The following KLHDC10 variants were observed in gnomAD, a reference collection of about 807,000 sequenced individuals.
The protein encoded by KLHDC10 is kelch domain containing 10, also known as kelch domain-containing protein 10.
KLHDC10 carries 24 observed loss-of-function variants against 56.1 expected under a neutral mutation model. The observed-to-expected ratio is 0.43, with a 90% CI of 0.31 to 0.60. The LOEUF is 0.60. Among genes scored for constraint, KLHDC10 ranks in the 20% least tolerant of loss-of-function variants. The pLI, the probability that KLHDC10 is intolerant of heterozygous loss-of-function variation, is 0.11. For missense variants in KLHDC10, 349 were observed against 567.0 expected, an observed-to-expected ratio of 0.62 and a Z score of 3.91; for synonymous variants, 188 against 207.1, an observed-to-expected ratio of 0.91 and a Z score of 0.79.
chr7:130,108,725 C>CA (rs200535259), intron 2 of KLHDC10, among the ~76,000 whole-genome samples: 2,421 of 86,242 alleles, frequency 0.028, 18 homozygotes, highest in Middle Eastern at 0.053. Context: ...CCATCTCAAA[C>CA]AAAAAAAAAA....
rs377469474 is a variant in KLHDC10, at chr7:130,122,208, G to A, written c.779+6G>A. The A allele has an allele frequency of 3.7e-6, 6 of 1,611,998 alleles. No homozygotes were observed. The highest frequency in any genetic ancestry group is 1.6e-4 in the Middle Eastern group (1 of 6,070). ...TGTGATCTACCAGAAGAGAGGTGAG[G>A]TTCTAGGATTCAAGCATATTTATTC... On this transcript the variant is annotated splice_donor_region_variant and intron_variant, in intron 5 of 9. Transcript: ENST00000335420.
rs1029371071 is a variant in KLHDC10, at chr7:130,132,734, A to G, written c.*1988A>G. 2.0e-5 allele frequency: 3 copies of G among 152,266 alleles called. No individual in the cohort carries two copies. The South Asian group carries it at 6.2e-4, about 32-fold the overall frequency. The allele number at this position is 152,266 out of a possible 1,614,324, so 9.4% of individuals were successfully genotyped here. A position where few individuals can be genotyped will look rare whatever the true frequency, so the allele number is the denominator to read the frequency against. On this transcript the variant is annotated 3_prime_UTR_variant, in exon 10 of 10. Coordinates refer to ENST00000335420, the MANE Select transcript of KLHDC10 (RefSeq NM_014997.4). The stretch of plus-strand genomic sequence containing the variant: ...CTGAGCAGCTCCATTAGTCCAAAAC[A>G]GAGCTTTGCTGCATGACTTCAGCCT...
Position 130,116,318 on chromosome 7 carries a change from T to C in KLHDC10, c.254-127T>C. ...TATCCATGTTATAAATCTAAACAAA[T>C]AAGAAGTATATCCATGTTATAAATC... On this transcript the variant is annotated intron_variant, in intron 2 of 9. Transcript: ENST00000335420. This position sits in a 1 kb window ranked among gnomAD's most constrained non-coding sequence, Gnocchi z 4.8. 1.5e-6 allele frequency: 1 copy of C among 649,814 alleles called. No homozygotes were observed. The allele number at this position is 649,814 out of a possible 1,614,324, so 40.3% of individuals were successfully genotyped here.
chr7:130,122,352 G>A, intron 5 of KLHDC10, 150 bp downstream of exon 5: 2 of 670,674 alleles, frequency 3.0e-6, no homozygotes, highest in Non-Finnish European at 4.7e-6. Context: ...AGTAAAGAAA[G>A]GTCTATAGTA....
intron 1 of KLHDC10, among the ~76,000 whole-genome samples, chr7:130,091,517 C>A (rs1265697749): frequency 6.6e-6 from 1 of 152,046 alleles, no homozygotes; most frequent in Non-Finnish European, 1.5e-5. Context: ...AGGAATTCAC[C>A]AGTGAAGCCA....
At chr7:130,100,754 T>A (rs1795918338) in intron 2 of KLHDC10, among the ~76,000 whole-genome samples, 1 of 152,188 alleles carries the variant, frequency 6.6e-6, no homozygotes, top group Non-Finnish European at 1.5e-5. Context: ...TGGTTCAGAT[T>A]GTAGACAGTT....
intron 2 of KLHDC10, among the ~76,000 whole-genome samples, chr7:130,112,459 T>C (rs1306237964): frequency 6.6e-6 from 1 of 152,202 alleles, no homozygotes; most frequent in African/African-American, 2.4e-5. Flanking sequence ...TGGGAGTTCC[T>C]GAATCAGGTA....
chr7:130,133,161 CAT>C lies in KLHDC10; in HGVS notation c.*2416_*2417del, dbSNP rs1216385970. ...CAGCACTGAGTGCTATAGAACCACA[CAT>C]GTGTACATGTTCTGGATGCCAAATG... On this transcript the variant is annotated 3_prime_UTR_variant, in exon 10 of 10. Transcript: ENST00000335420. The C allele has an allele frequency of 6.6e-6, 1 of 152,222 alleles. No homozygotes were observed. The highest frequency in any genetic ancestry group is 1.5e-5 in the Non-Finnish European group (1 of 68,054). 9.4% of individuals were successfully genotyped at this position (152,222 alleles called of 1,614,324 possible). A position where few individuals can be genotyped will look rare whatever the true frequency, so the allele number is the denominator to read the frequency against.
Position 130,120,640 on chromosome 7 carries a change from A to G in KLHDC10, c.476-109A>G. 5.9e-6 allele frequency: 7 copies of G among 1,182,796 alleles called. No individual in the cohort carries two copies. The highest frequency in any genetic ancestry group is 2.9e-5 in the South Asian group (2 of 69,490). The allele number at this position is 1,182,796 out of a possible 1,614,324, so 73.3% of individuals were successfully genotyped here. A position where few individuals can be genotyped will look rare whatever the true frequency, so the allele number is the denominator to read the frequency against. On this transcript the variant is annotated intron_variant, in intron 3 of 9. Coordinates refer to ENST00000335420, the MANE Select transcript of KLHDC10 (RefSeq NM_014997.4). This position sits in a 1 kb window ranked among gnomAD's most constrained non-coding sequence, Gnocchi z 5.1. ...AGATGTCAGTGGTTTGAGCTATCTT[A>G]TGAGATCATTAAAGCAGATATGTGT...
In KLHDC10 at chr7:130,130,337, C is replaced by CGT. The variant is rs1554468443; in HGVS notation, c.1120-200_1120-199insGT. On this transcript the variant is annotated intron_variant, in intron 9 of 9. Transcript: ENST00000335420. This position sits in a 1 kb window ranked among gnomAD's most constrained non-coding sequence, Gnocchi z 4.2. ...ACTCTGTCTCAAAAAAAAAAAAAATCATATATATATATATATAGTTTTTCC... is the reference window on the plus strand; with the variant it reads ...ACTCTGTCTCAAAAAAAAAAAAAATCGTATATATATATATATATAGTTTTTCC... 7.1e-6 allele frequency among the ~76,000 whole-genome samples: 1 copy of CGT among 140,842 alleles called. No individual in the cohort carries two copies. The highest frequency in any genetic ancestry group is 7.0e-5 in the Admixed American group (1 of 14,268). The allele number at this position is 140,842 out of a possible 152,430, so 92.4% of individuals were successfully genotyped here.
rs72380761 is a variant in KLHDC10, at chr7:130,130,337, C to CATATATATATATAT, written c.1120-196_1120-183dup. ...ACTCTGTCTCAAAAAAAAAAAAAAT[C>CATATATATATATAT]ATATATATATATATATAGTTTTTCC... On this transcript the variant is annotated intron_variant, in intron 9 of 9. Coordinates refer to ENST00000335420, the MANE Select transcript of KLHDC10 (RefSeq NM_014997.4). This position sits in a 1 kb window ranked among gnomAD's most constrained non-coding sequence, Gnocchi z 4.2. Among the ~76,000 whole-genome samples, 2,729 of 140,480 alleles carry CATATATATATATAT rather than the reference C, an allele frequency of 0.019. 96 individuals carry two copies. Among genetic ancestry groups the CATATATATATATAT allele is most frequent in the African/African-American group, 0.071 (2,586 of 36,622 alleles). 92.2% of individuals were successfully genotyped at this position (140,480 alleles called of 152,430 possible). A position where few individuals can be genotyped will look rare whatever the true frequency, so the allele number is the denominator to read the frequency against.
chr7:130,086,890 C>T (rs1005237477), intron 1 of KLHDC10, among the ~76,000 whole-genome samples: 1 of 152,248 alleles, frequency 6.6e-6, no homozygotes, highest in Admixed American at 6.5e-5. Flanking sequence ...TCACACTTAT[C>T]CCCTTATTTT....
intron 4 of KLHDC10, 96 bp from the exon 5 acceptor site, chr7:130,121,952 CAAGAGA>C: frequency 1.1e-6 from 1 of 947,176 alleles, no homozygotes; most frequent in Non-Finnish European, 1.5e-6. Flanking sequence ...GATTAAAATA[CAAGAGA>C]ATTTCATAAA....
At chr7:130,087,751 A>G (rs978260300) in intron 1 of KLHDC10, among the ~76,000 whole-genome samples, 2 of 151,842 alleles carry the variant, frequency 1.3e-5, no homozygotes, top group African/African-American at 4.8e-5. Context: ...TAAAACAGAA[A>G]TATGGAATTT....
In KLHDC10 at chr7:130,130,985, A is replaced by T; in HGVS notation, c.*239A>T. 2 of 450,344 alleles carry T rather than the reference A, an allele frequency of 4.4e-6. No individual in the cohort carries two copies. The highest frequency in any genetic ancestry group is 8.0e-6 in the Non-Finnish European group (2 of 248,512). The allele number at this position is 450,344 out of a possible 1,614,324, so 27.9% of individuals were successfully genotyped here. On this transcript the variant is annotated 3_prime_UTR_variant, in exon 10 of 10. Transcript: ENST00000335420. The surrounding 1 kb of genome is among the most constrained non-coding windows in gnomAD (Gnocchi z 4.2). ...CCATTACATGCACATGTACTCACAT[A>T]CTCCCTCTTCCTTCTCGATGGAGTT... is the stretch of plus-strand genomic sequence containing the variant.
At chr7:130,107,006 C>T (rs1796016409) in intron 2 of KLHDC10, among the ~76,000 whole-genome samples, 1 of 152,138 alleles carries the variant, frequency 6.6e-6, no homozygotes, top group Admixed American at 6.5e-5. Flanking sequence ...ACATCCATTC[C>T]TGGTAAGGGA....
rs189283259 is a variant in KLHDC10 at position 130,079,526 on chromosome 7, G to A, written c.166+8717G>A. On this transcript the variant is annotated intron_variant, in intron 1 of 9. Coordinates refer to ENST00000335420, the MANE Select transcript of KLHDC10 (RefSeq NM_014997.4). ...TTTATTGTTACTGAACCATTCTTGT[G>A]TTCCTGAATTAACTTACTTTGTCGT... Among the ~76,000 whole-genome samples, 5 of 152,180 alleles carry A rather than the reference G, an allele frequency of 3.3e-5. No homozygotes were observed. In the East Asian group the frequency reaches 9.6e-4, roughly 29 times the overall value.
chr7:130,128,539 G>A (rs1232068059), intron 8 of KLHDC10, among the ~76,000 whole-genome samples: 8 of 151,954 alleles, frequency 5.3e-5, no homozygotes, highest in Non-Finnish European at 8.8e-5. Flanking sequence ...TCCTCTTCTC[G>A]CCGAAGAAAG....
At chr7:130,100,811 A>G (rs1453748585) in intron 2 of KLHDC10, among the ~76,000 whole-genome samples, 4 of 152,158 alleles carry the variant, frequency 2.6e-5, no homozygotes, top group African/African-American at 9.7e-5. Context: ...ACTAGGTCCT[A>G]CATCTTCTCT....
Sources: allele counts gnomAD v4.1 joint callset (sites outside exome capture counted in the v4.1 genomes callset), GRCh38; gene constraint gnomAD v4.1.1; non-coding constraint Gnocchi (gnomAD v3.1); transcripts MANE v1.5; gene names NCBI Gene and HGNC (gene_info 2026-07-23, HGNC 2026-07-21).